LOC128462377: variants seen among roughly 807,000 people sequenced by gnomAD.
At chr16:89,322,401 C>A in the LOC128462377 span, among the ~76,000 whole-genome samples, 2 of 152,236 alleles carry the variant, frequency 1.3e-5, no homozygotes, top group African/African-American at 2.4e-5. Flanking sequence ...CTCCACCAAC[C>A]ACTAGTTTGT....
chr16:89,376,833 C>A, the LOC128462377 span, among the ~76,000 whole-genome samples: 1 of 152,130 alleles, frequency 6.6e-6, no homozygotes, highest in Non-Finnish European at 1.5e-5. Context: ...GAAGCGAGCA[C>A]TGGGATAGAA....
At chr16:89,347,471 C>T in the LOC128462377 span, among the ~76,000 whole-genome samples, 596 of 151,970 alleles carry the variant, frequency 3.9e-3, 2 homozygotes, top group African/African-American at 0.014. Flanking sequence ...ATTAGCCGGG[C>T]GTGGTGGCAG....
the LOC128462377 span, among the ~76,000 whole-genome samples, chr16:89,336,204 G>T: frequency 3.9e-5 from 6 of 152,354 alleles, no homozygotes; most frequent in African/African-American, 1.4e-4. Context: ...GTCCTTGTGG[G>T]CTACTCAAGA....
At chr16:89,362,398 G>A in the LOC128462377 span, among the ~76,000 whole-genome samples, 5 of 152,152 alleles carry the variant, frequency 3.3e-5, no homozygotes, top group Middle Eastern at 3.2e-3. Context: ...GAGAGTGCAC[G>A]AAAGTTCCAT....
At chr16:89,406,342 G>A in the LOC128462377 span, among the ~76,000 whole-genome samples, 4 of 152,168 alleles carry the variant, frequency 2.6e-5, no homozygotes, top group East Asian at 1.9e-4. Context: ...CGGCGGGCAC[G>A]GGAAACCCAC....
chr16:89,370,935 C>T, the LOC128462377 span, among the ~76,000 whole-genome samples: 8 of 152,144 alleles, frequency 5.3e-5, no homozygotes, highest in African/African-American at 1.4e-4. Context: ...CCACGAGACG[C>T]CCAAGAACCA....
At chr16:89,334,384 A>C in the LOC128462377 span, among the ~76,000 whole-genome samples, 1 of 152,014 alleles carries the variant, frequency 6.6e-6, no homozygotes, top group African/African-American at 2.4e-5. Context: ...ACCTCCTCTC[A>C]GGTTCTGAGT....
chr16:89,345,101 G>A, the LOC128462377 span, among the ~76,000 whole-genome samples: 8 of 152,122 alleles, frequency 5.3e-5, no homozygotes, highest in Admixed American at 2.0e-4. Context: ...ACTGCTTCAC[G>A]GCCTGAAAGG....
At chr16:89,335,110 A>G in the LOC128462377 span, among the ~76,000 whole-genome samples, 1 of 152,286 alleles carries the variant, frequency 6.6e-6, no homozygotes, top group African/African-American at 2.4e-5. Context: ...CACCTCCCCA[A>G]ATAACTAATC....
At chr16:89,319,898 C>G in the LOC128462377 span, 2 of 152,622 alleles carry the variant, frequency 1.3e-5, no homozygotes, top group African/African-American at 4.8e-5. Context: ...AGAAGCTGCC[C>G]TGGTGATGCC....
chr16:89,370,328 G>A, the LOC128462377 span, among the ~76,000 whole-genome samples: 1 of 152,126 alleles, frequency 6.6e-6, no homozygotes, highest in Non-Finnish European at 1.5e-5. Context: ...AAGGAGCTGT[G>A]AGCCACAGTG....
the LOC128462377 span, among the ~76,000 whole-genome samples, chr16:89,330,657 TGGGGGGGGGGGGG>T: frequency 5.9e-4 from 3 of 5,076 alleles, 1 homozygote; most frequent in Non-Finnish European, 1.1e-3. Context: ...GTACAGTGAC[TGGGGGGGGGGGGG>T]GGGGGCGGGG....
chr16:89,338,254 G>A, the LOC128462377 span, among the ~76,000 whole-genome samples: 1 of 152,072 alleles, frequency 6.6e-6, no homozygotes, highest in African/African-American at 2.4e-5. Context: ...GTGCTGCCAT[G>A]AGCGCCACAC....
At chr16:89,376,018 A>C in the LOC128462377 span, among the ~76,000 whole-genome samples, 1 of 152,228 alleles carries the variant, frequency 6.6e-6, no homozygotes, top group Admixed American at 6.5e-5. Context: ...AAGGGCCATC[A>C]CAAAAAAAGA....
the LOC128462377 span, among the ~76,000 whole-genome samples, chr16:89,321,989 G>A: frequency 2.6e-5 from 4 of 152,156 alleles, no homozygotes; most frequent in South Asian, 2.1e-4. Flanking sequence ...GTATTTTCAC[G>A]TCTCTAGTTT....
chr16:89,329,172 A>G, the LOC128462377 span, among the ~76,000 whole-genome samples: 2 of 152,182 alleles, frequency 1.3e-5, no homozygotes, highest in Non-Finnish European at 2.9e-5. Flanking sequence ...CCTCGGGGAA[A>G]CAGGCGGGGA....
chr16:89,322,384 T>C, the LOC128462377 span, among the ~76,000 whole-genome samples: 1 of 151,960 alleles, frequency 6.6e-6, no homozygotes, highest in Non-Finnish European at 1.5e-5. Context: ...CTTATGTAAG[T>C]TAATAACTCC....
At chr16:89,339,822 C>T in the LOC128462377 span, 2 of 152,186 alleles carry the variant, frequency 1.3e-5, no homozygotes, top group Admixed American at 1.3e-4. Flanking sequence ...TCCTCAGCGT[C>T]GATCTGATTT....
the LOC128462377 span, among the ~76,000 whole-genome samples, chr16:89,380,214 G>A: frequency 6.6e-6 from 1 of 152,254 alleles, no homozygotes; most frequent in East Asian, 1.9e-4. Context: ...ACAGGTTCAA[G>A]CAATTCTCCT....
Sources: gnomAD v4.1 joint callset for allele counts (sites outside exome capture counted in the v4.1 genomes callset) on GRCh38, gnomAD v4.1.1 for gene constraint, MANE v1.5 for transcripts.